ANAPC1: variants seen among roughly 807,000 people sequenced by gnomAD.
The protein encoded by ANAPC1 is anaphase-promoting complex subunit 1.
Under a neutral mutation model 208.0 loss-of-function variants are expected in ANAPC1, and 36 were observed. The observed-to-expected ratio is 0.17, with a 90% CI of 0.13 to 0.23. The LOEUF is 0.23. ANAPC1 is among the 10% of genes least tolerant of loss of function. The probability of loss-of-function intolerance (pLI) is 1.00; values close to 1 mark genes in which losing one functional copy is unlikely to be tolerated. For synonymous variants in ANAPC1, 378 were observed against 695.2 expected, an observed-to-expected ratio of 0.54 and a Z score of 7.18; for missense variants, 942 against 2,011.6, an observed-to-expected ratio of 0.47 and a Z score of 10.17.
chr2:111,856,804 G>T lies in ANAPC1; in HGVS notation c.1441C>A (p.Pro481Thr). The change falls in exon 12 of 48, where the codon CCA becomes ACA. Residue 481 changes from proline to threonine, a missense_variant. Physicochemically the swap from Pro to Thr is conservative, Grantham distance 38 (BLOSUM62 -1). Transcript: ENST00000341068. Reference sequence around the variant, plus strand: ...AAATGTGCCTACATTACCTCCACTGGTGCTGCATCCTTTGCTGGTATGTTG... The same window carrying T: ...AAATGTGCCTACATTACCTCCACTGTTGCTGCATCCTTTGCTGGTATGTTG... ...VTNIPAKDAA[P>T]VEKIDTMLVL... The T allele has an allele frequency of 1.2e-6, 2 of 1,613,254 alleles. No homozygotes were observed. Among genetic ancestry groups the T allele is most frequent in the Non-Finnish European group, 1.7e-6 (2 of 1,179,846 alleles).
chr2:111,773,757 C>T (rs559370696), intron 46 of ANAPC1, among the ~76,000 whole-genome samples: 9 of 152,126 alleles, frequency 5.9e-5, no homozygotes, highest in South Asian at 4.2e-4. Context: ...TGAAAAGGAG[C>T]TCAGTGTTTT....
intron 19 of ANAPC1, among the ~76,000 whole-genome samples, chr2:111,834,349 G>T (rs1041044361): frequency 6.6e-6 from 1 of 152,074 alleles, no homozygotes; most frequent in Non-Finnish European, 1.5e-5. Context: ...ATGAAAATCT[G>T]AGCAGGTCAT....
At chr2:111,767,622 A>G (rs1488821465), downstream of ANAPC1, 6 of 137,334 alleles carry the variant, frequency 4.4e-5, 1 homozygote, top group African/African-American at 1.7e-4. Flanking sequence ...ATGAGTTAAT[A>G]TGTGTGCAAA....
At chr2:111,830,048 C>T (rs943416553) in intron 21 of ANAPC1, among the ~76,000 whole-genome samples, 6 of 151,584 alleles carry the variant, frequency 4.0e-5, no homozygotes, top group African/African-American at 7.3e-5. Context: ...CTAGCCTAGG[C>T]GACAGAGTGA....
chr2:111,878,982 A>T lies in ANAPC1; in HGVS notation c.214-11T>A. On this transcript the variant is annotated splice_polypyrimidine_tract_variant and intron_variant, in intron 2 of 47. Coordinates refer to ENST00000341068, the MANE Select transcript of ANAPC1 (RefSeq NM_022662.4). ...TAACTGCCAGCTTTCCTTAAAAATT[A>T]ACACATGTAAAACATATTCAAGCAC... 1 of 1,590,224 alleles carries T rather than the reference A, an allele frequency of 6.3e-7. No homozygotes were observed. Among genetic ancestry groups the T allele is most frequent in the Middle Eastern group, 2.3e-4 (1 of 4,292 alleles).
chr2:111,831,563 G>A, intron 20 of ANAPC1, 129 bp from the exon 21 acceptor site: 1 of 862,702 alleles, frequency 1.2e-6, no homozygotes, highest in Non-Finnish European at 1.8e-6. Context: ...TTTCCAGCTG[G>A]GTGCAGTGGC....
chr2:111,794,294 G>A lies in ANAPC1; in HGVS notation c.4403C>T (p.Ala1468Val). 1.2e-6 allele frequency: 2 copies of A among 1,612,964 alleles called. No individual in the cohort carries two copies. Among genetic ancestry groups the A allele is most frequent in the Admixed American group, 1.7e-5 (1 of 59,936 alleles). The change falls in exon 36 of 48, where the codon GCC (alanine) becomes GTC (valine). Residue 1468 changes from alanine to valine, a missense_variant. Ala to Val is a moderately conservative substitution (Grantham distance 64, BLOSUM62 0). Coordinates refer to ENST00000341068, the MANE Select transcript of ANAPC1 (RefSeq NM_022662.4). ...SQAHVYIIAG[A>V]CLSLGFRFAG... ...AAATCGAAAACCCAGAGACAAGCAG[G>A]CTCCTGCAATTATGTAGACATGTGC...
intron 2 of ANAPC1, among the ~76,000 whole-genome samples, 161 bp from the exon 3 acceptor site, chr2:111,879,132 A>G (rs1430129717): frequency 1.3e-5 from 2 of 152,236 alleles, no homozygotes; most frequent in Non-Finnish European, 2.9e-5. Flanking sequence ...TATGCATTAC[A>G]CTACAGAATT....
At chr2:111,807,707 T>G (rs865870939) in intron 29 of ANAPC1, among the ~76,000 whole-genome samples, 623 of 148,994 alleles carry the variant, frequency 4.2e-3, no homozygotes, top group Non-Finnish European at 7.1e-3. Context: ...AAAAAAATTT[T>G]TAATGTACAT....
intron 10 of ANAPC1, among the ~76,000 whole-genome samples, chr2:111,861,195 C>T (rs1682045212): frequency 6.6e-6 from 1 of 152,172 alleles, no homozygotes; most frequent in South Asian, 2.1e-4. Context: ...CTCACCTCAG[C>T]CTCCAGAGTA....
At chr2:111,858,605 A>G (rs1681871323) in intron 10 of ANAPC1, among the ~76,000 whole-genome samples, 1 of 152,030 alleles carries the variant, frequency 6.6e-6, no homozygotes, top group African/African-American at 2.4e-5. Context: ...CTAAAAATAC[A>G]AAATAAATTA....
intron 26 of ANAPC1, 152 bp downstream of exon 26, chr2:111,821,087 A>G: frequency 3.3e-6 from 2 of 604,684 alleles, no homozygotes; most frequent in Non-Finnish European, 2.9e-6. Flanking sequence ...TTGGATGAAA[A>G]CTTAAAACAC....
chr2:111,829,435 G>A (rs1680011189), intron 21 of ANAPC1, among the ~76,000 whole-genome samples: 1 of 152,090 alleles, frequency 6.6e-6, no homozygotes, highest in South Asian at 2.1e-4. Context: ...GCCAACATTT[G>A]AGAGAAGGGA....
chr2:111,825,511 T>C (rs1194500191), intron 22 of ANAPC1, among the ~76,000 whole-genome samples: 1 of 152,188 alleles, frequency 6.6e-6, no homozygotes, highest in Admixed American at 6.5e-5. Context: ...CTCAAACTCA[T>C]GTTGTTCAAG....
chr2:111,792,810 G>A (rs1388387793), intron 37 of ANAPC1, among the ~76,000 whole-genome samples: 6 of 152,048 alleles, frequency 3.9e-5, no homozygotes, highest in Non-Finnish European at 7.4e-5. Context: ...AAAGTTAGCC[G>A]GGCGTGGTGG....
chr2:111,826,661 A>ATTTTTTTTTT (rs35434299), intron 21 of ANAPC1, among the ~76,000 whole-genome samples: 1 of 115,026 alleles, frequency 8.7e-6, no homozygotes, highest in Non-Finnish European at 1.8e-5. Flanking sequence ...TTATTTATTT[A>ATTTTTTTTTT]TTTATTTTTT....
At chr2:111,854,419 G>A (rs572531712) in intron 13 of ANAPC1, among the ~76,000 whole-genome samples, 16 of 152,170 alleles carry the variant, frequency 1.1e-4, no homozygotes, top group Non-Finnish European at 1.3e-4. Context: ...AAATGAGCAC[G>A]GGCTTCAACT....
intron 18 of ANAPC1, among the ~76,000 whole-genome samples, chr2:111,837,162 T>C (rs1381326125): frequency 2.0e-5 from 3 of 152,200 alleles, no homozygotes; most frequent in African/African-American, 7.2e-5. Context: ...CTGGTATCTG[T>C]AACAATATGA....
intron 1 of ANAPC1, among the ~76,000 whole-genome samples, chr2:111,881,929 A>T (rs188648389): frequency 4.6e-5 from 7 of 152,346 alleles, no homozygotes; most frequent in Non-Finnish European, 7.3e-5. Flanking sequence ...TCACGCCTAT[A>T]ATCCCAGCAC....
Sources: allele counts gnomAD v4.1 joint callset (sites outside exome capture counted in the v4.1 genomes callset), GRCh38; gene constraint gnomAD v4.1.1; transcripts MANE v1.5; gene names NCBI Gene and HGNC (gene_info 2026-07-23, HGNC 2026-07-21).